PTPRT: variants seen among roughly 807,000 people sequenced by gnomAD.
PTPRT encodes the protein protein tyrosine phosphatase receptor type T.
In PTPRT, 56 loss-of-function variants were observed where a neutral mutation model predicts 176.8. That is an observed-to-expected ratio of 0.32 (90% CI 0.26 to 0.40). PTPRT has a LOEUF of 0.40. Ranked by LOEUF, PTPRT falls within the 10% of genes least tolerant of loss-of-function variation. PTPRT has a pLI of 1.00. For missense variants in PTPRT, 1,540 were observed against 1,908.2 expected (o/e 0.81, Z 3.60); for synonymous variants, 783 against 739.0 (o/e 1.06, Z -0.96).
intron 6 of PTPRT, among the ~76,000 whole-genome samples, chr20:42,747,571 G>A (rs1280702079): frequency 6.6e-6 from 1 of 152,212 alleles, no homozygotes; most frequent in African/African-American, 2.4e-5. Context: ...AAGGTAATCA[G>A]AGGGGGCCTC....
intron 27 of PTPRT, among the ~76,000 whole-genome samples, chr20:42,088,366 G>A (rs900579839): frequency 3.3e-5 from 5 of 152,316 alleles, no homozygotes; most frequent in African/African-American, 7.2e-5. Context: ...GGTTTTCATC[G>A]AAGGGGGTGC....
chr20:42,924,269 A>T (rs937112146), intron 1 of PTPRT, among the ~76,000 whole-genome samples: 8 of 152,210 alleles, frequency 5.3e-5, no homozygotes, highest in Non-Finnish European at 7.3e-5. Flanking sequence ...CATGTGCTAC[A>T]AAGCCCTGGA....
intron 7 of PTPRT, among the ~76,000 whole-genome samples, chr20:42,476,692 G>A (rs1423595319): frequency 6.6e-6 from 1 of 152,176 alleles, no homozygotes; most frequent in Non-Finnish European, 1.5e-5. Context: ...GCAGGTGAAA[G>A]CATTTTGTAA....
intron 6 of PTPRT, among the ~76,000 whole-genome samples, chr20:42,697,679 G>A (rs1411548140): frequency 6.6e-6 from 1 of 152,148 alleles, no homozygotes; most frequent in African/African-American, 2.4e-5. Context: ...TTTCATCAAT[G>A]GGGTGGTAAA....
At chr20:42,273,271 A>G (rs2056970466) in intron 13 of PTPRT, among the ~76,000 whole-genome samples, 1 of 152,172 alleles carries the variant, frequency 6.6e-6, no homozygotes, top group Non-Finnish European at 1.5e-5. Flanking sequence ...GCTGGAGTGC[A>G]ATGGCATGAT....
At chr20:42,909,387 G>A (rs1373299716) in intron 1 of PTPRT, among the ~76,000 whole-genome samples, 1 of 152,130 alleles carries the variant, frequency 6.6e-6, no homozygotes, top group African/African-American at 2.4e-5. Context: ...GGGGAAGTTG[G>A]AGTGGAATCA....
chr20:43,084,382 C>T (rs1475145652), intron 1 of PTPRT, among the ~76,000 whole-genome samples: 1 of 131,870 alleles, frequency 7.6e-6, no homozygotes, highest in African/African-American at 3.0e-5. Flanking sequence ...AGGAAACTTA[C>T]AATCATGGCA....
At chr20:42,933,791 G>T (rs1980012979) in intron 1 of PTPRT, among the ~76,000 whole-genome samples, 2 of 152,138 alleles carry the variant, frequency 1.3e-5, no homozygotes, top group African/African-American at 4.8e-5. Flanking sequence ...AGAAGAAGAG[G>T]CCACGTCTTC....
At chr20:42,475,399 T>A (rs2071272213) in intron 7 of PTPRT, among the ~76,000 whole-genome samples, 1 of 152,238 alleles carries the variant, frequency 6.6e-6, no homozygotes, top group Admixed American at 6.5e-5. Context: ...AAGGCATCAC[T>A]AGCTCTGTCC....
intron 1 of PTPRT, among the ~76,000 whole-genome samples, chr20:42,940,482 T>C (rs1380345971): frequency 4.6e-5 from 7 of 151,922 alleles, no homozygotes; most frequent in Non-Finnish European, 8.8e-5. Context: ...GTAAAATGAA[T>C]CCAAAAAGAC....
At chr20:42,933,935 C>T (rs1418191050) in intron 1 of PTPRT, among the ~76,000 whole-genome samples, 1 of 152,236 alleles carries the variant, frequency 6.6e-6, no homozygotes, top group African/African-American at 2.4e-5. Context: ...CCCCTATCAG[C>T]TCAACATCCT....
At chr20:42,707,267 T>G (rs760753580) in intron 6 of PTPRT, among the ~76,000 whole-genome samples, 2 of 152,168 alleles carry the variant, frequency 1.3e-5, no homozygotes, top group Non-Finnish European at 2.9e-5. Context: ...AATGAGTTGG[T>G]AGAATTCTGT....
At chr20:42,243,956 A>G (rs933620114) in intron 14 of PTPRT, among the ~76,000 whole-genome samples, 1 of 152,230 alleles carries the variant, frequency 6.6e-6, no homozygotes, top group Non-Finnish European at 1.5e-5. Context: ...TGCCATTAGC[A>G]TATTAGTAAC....
chr20:43,098,568 G>T (rs570014480), intron 1 of PTPRT, among the ~76,000 whole-genome samples: 12 of 147,726 alleles, frequency 8.1e-5, no homozygotes, highest in African/African-American at 2.5e-4. Context: ...TTTTGTTTGA[G>T]GTCTTCCTTA....
At chr20:43,053,686 T>C (rs1301794645) in intron 1 of PTPRT, among the ~76,000 whole-genome samples, 1 of 152,088 alleles carries the variant, frequency 6.6e-6, no homozygotes, top group Non-Finnish European at 1.5e-5. Context: ...TCACTCCTTC[T>C]CCAATACTGA....
chr20:42,916,184 A>G (rs1214001877), intron 1 of PTPRT, among the ~76,000 whole-genome samples: 7 of 130,186 alleles, frequency 5.4e-5, no homozygotes, highest in Non-Finnish European at 4.6e-5. Flanking sequence ...CTCATTGTTC[A>G]ATTCCCACCT....
At position 42,968,094 on chromosome 20, in the gene PTPRT, T is replaced by C. The variant is rs376216392; in HGVS notation, c.89-82162A>G. ...ATGGAAGGCTGTCACAGGCTATTCC[T>C]TTTGCTGGGTAAGCCCTTCCCCCTT... On this transcript the variant is annotated intron_variant, in intron 1 of 30. Transcript: ENST00000373187. Among the ~76,000 whole-genome samples, 76 of 152,274 alleles carry C rather than the reference T, an allele frequency of 5.0e-4. 1 individual carries two copies. The highest frequency in any genetic ancestry group is 1.7e-3 in the African/African-American group (71 of 41,574).
intron 2 of PTPRT, among the ~76,000 whole-genome samples, chr20:42,837,237 C>T (rs184648193): frequency 2.1e-4 from 32 of 152,316 alleles, no homozygotes; most frequent in African/African-American, 5.8e-4. Flanking sequence ...TCCGGAGGAC[C>T]CTTGGATCCC....
At chr20:42,294,665 T>C (rs540024046) in intron 12 of PTPRT, among the ~76,000 whole-genome samples, 1 of 151,392 alleles carries the variant, frequency 6.6e-6, no homozygotes, top group Non-Finnish European at 1.5e-5. Flanking sequence ...ACACCACAAA[T>C]GATGAAAATC....
Sources: gnomAD v4.1 joint callset for allele counts (sites outside exome capture counted in the v4.1 genomes callset) on GRCh38, gnomAD v4.1.1 for gene constraint, MANE v1.5 for transcripts, NCBI Gene and HGNC (gene_info 2026-07-23, HGNC 2026-07-21) for gene names.